The following RBFOX2 variants were observed in gnomAD, a reference collection of about 807,000 sequenced individuals.
The protein encoded by RBFOX2 is RNA binding protein fox-1 homolog 2.
In RBFOX2, 10 loss-of-function variants were observed where a neutral mutation model predicts 49.1. The observed-to-expected ratio is 0.20, with a 90% confidence interval of 0.13 to 0.35. The LOEUF (loss-of-function observed/expected upper bound fraction) is 0.35. Ranked by LOEUF, RBFOX2 falls within the 10% of genes least tolerant of loss-of-function variation. The pLI, the probability that RBFOX2 is intolerant of heterozygous loss-of-function variation, is 1.00. For missense variants in RBFOX2, 323 were observed against 486.9 expected (o/e 0.66, Z 3.17); for synonymous variants, 183 against 187.4 (o/e 0.98, Z 0.19).
chr22:35,914,580 C>T (rs1358191759), intron 1 of RBFOX2, among the ~76,000 whole-genome samples: 1 of 152,174 alleles, frequency 6.6e-6, no homozygotes, highest in Admixed American at 6.5e-5. Flanking sequence ...AGAGTAGATG[C>T]CAACAAGAAA....
chr22:35,866,715 AG>A (rs1480232848), intron 1 of RBFOX2, among the ~76,000 whole-genome samples: 3 of 152,142 alleles, frequency 2.0e-5, no homozygotes, highest in Non-Finnish European at 4.4e-5. Context: ...GACAAAAAAA[AG>A]CCCCCAGTGA....
chr22:35,909,852 A>T (rs1167288367), intron 1 of RBFOX2, among the ~76,000 whole-genome samples: 1 of 152,168 alleles, frequency 6.6e-6, no homozygotes, highest in Non-Finnish European at 1.5e-5. Flanking sequence ...ACCTTAGGTG[A>T]TCCACCCACC....
At chr22:35,941,677 G>A (rs1014303088), upstream of RBFOX2, among the ~76,000 whole-genome samples, 1 of 152,020 alleles carries the variant, frequency 6.6e-6, no homozygotes, top group Admixed American at 6.6e-5. Flanking sequence ...CACTCCCAGA[G>A]GACATCCCAC....
intron 1 of RBFOX2, among the ~76,000 whole-genome samples, chr22:35,833,637 A>T (rs1408012346): frequency 6.6e-6 from 1 of 152,212 alleles, no homozygotes; most frequent in East Asian, 1.9e-4. Flanking sequence ...ATGTTTGTAA[A>T]TGTGCTATGT....
chr22:35,900,444 T>C (rs1172319300), intron 1 of RBFOX2, among the ~76,000 whole-genome samples: 1 of 152,110 alleles, frequency 6.6e-6, no homozygotes, highest in African/African-American at 2.4e-5. Flanking sequence ...AATCAGGCAC[T>C]AAAAATTCTT....
chr22:36,024,263 G>A (rs1042306017), intron 1 of RBFOX2, among the ~76,000 whole-genome samples: 1 of 152,128 alleles, frequency 6.6e-6, no homozygotes, highest in Non-Finnish European at 1.5e-5. Flanking sequence ...TAAATACAAA[G>A]GAAATATAGT....
chr22:35,993,447 G>A (rs2058061893), intron 1 of RBFOX2: 1 of 152,176 alleles, frequency 6.6e-6, no homozygotes. Flanking sequence ...CCCCTTAAGA[G>A]GAGCTAGACT....
intron 1 of RBFOX2, among the ~76,000 whole-genome samples, chr22:35,935,164 G>A (rs759091844): frequency 1.6e-4 from 24 of 152,070 alleles, no homozygotes; most frequent in Non-Finnish European, 2.6e-4. Flanking sequence ...TCCAACTCCT[G>A]AGCTCAAACA....
Position 35,857,052 on chromosome 22 carries a change from G to C in RBFOX2, c.-33-47048C>G, listed in dbSNP as rs546759551. ...GTCTCCAAAAGGAAAAAAAGAGAAA[G>C]AAATATGCAAGACTGACTGACTAAG... is the stretch of plus-strand genomic sequence containing the variant. On this transcript the variant is annotated intron_variant, in intron 1 of 13. Coordinates refer to the RBFOX2 transcript ENST00000359369. Among the ~76,000 whole-genome samples the C allele has an allele frequency of 6.6e-5, 10 of 152,234 alleles. No homozygotes were observed. The East Asian group carries it at 1.9e-3, about 29-fold the overall frequency.
chr22:35,866,344 A>C (rs1019716997), intron 1 of RBFOX2, among the ~76,000 whole-genome samples: 1 of 152,204 alleles, frequency 6.6e-6, no homozygotes, highest in South Asian at 2.1e-4. Flanking sequence ...TTGAAAGTGC[A>C]TACATTAATT....
intron 1 of RBFOX2, among the ~76,000 whole-genome samples, chr22:36,010,498 G>C (rs62232610): frequency 1.1e-3 from 172 of 152,082 alleles, no homozygotes; most frequent in Non-Finnish European, 2.0e-3. Context: ...CATTCACCTA[G>C]AGAGTGAGAC....
At chr22:35,911,641 CATTA>C (rs1446396297) in intron 1 of RBFOX2, among the ~76,000 whole-genome samples, 2 of 152,138 alleles carry the variant, frequency 1.3e-5, no homozygotes, top group Non-Finnish European at 2.9e-5. Context: ...GTGTTGTTTA[CATTA>C]GCTGCTGGTA....
exon 2 of RBFOX2, chr22:35,809,781 G>T (rs200621025): frequency 6.2e-7 from 1 of 1,613,378 alleles, no homozygotes; most frequent in Admixed American, 1.7e-5. Flanking sequence ...TCCACGTACC[G>T]TAAGAGATCC....
intron 1 of RBFOX2, among the ~76,000 whole-genome samples, chr22:35,932,453 T>C (rs1419350210): frequency 1.3e-5 from 2 of 152,276 alleles, no homozygotes; most frequent in African/African-American, 4.8e-5. Flanking sequence ...TATGTTATAT[T>C]TGTCAACTTA....
At chr22:35,881,591 A>AAG (rs1280822629) in intron 1 of RBFOX2, among the ~76,000 whole-genome samples, 4 of 151,548 alleles carry the variant, frequency 2.6e-5, no homozygotes, top group East Asian at 1.9e-4. Flanking sequence ...CCAAAAAAAA[A>AAG]AAAAGGAAGA....
intron 1 of RBFOX2, among the ~76,000 whole-genome samples, chr22:36,000,982 T>C (rs554277063): frequency 6.6e-6 from 1 of 152,242 alleles, no homozygotes; most frequent in East Asian, 1.9e-4. Context: ...GATTATATGA[T>C]TTGCACAAAG....
At chr22:35,936,598 A>G (rs563700245) in intron 1 of RBFOX2, among the ~76,000 whole-genome samples, 20 of 152,320 alleles carry the variant, frequency 1.3e-4, no homozygotes, top group African/African-American at 4.8e-4. Flanking sequence ...CCAAGAAAAT[A>G]AACTAAAATA....
intron 1 of RBFOX2, among the ~76,000 whole-genome samples, chr22:35,929,674 C>A: frequency 6.6e-6 from 1 of 151,666 alleles, no homozygotes; most frequent in Admixed American, 6.6e-5. Context: ...TTTTTTGAGA[C>A]ATGGTCTCGC....
rs144322844 is a variant in RBFOX2 at position 35,858,052 on chromosome 22, G to A, written c.-33-48048C>T. ...AAATGACTGAATTTAGCAAACAAGAGTTAAAGAGTTTTCAGAGCACTGTTT... is the reference window on the plus strand; with the variant it reads ...AAATGACTGAATTTAGCAAACAAGAATTAAAGAGTTTTCAGAGCACTGTTT... On this transcript the variant is annotated intron_variant, in intron 1 of 13. Coordinates refer to the RBFOX2 transcript ENST00000359369. Among the ~76,000 whole-genome samples, 207 of 152,282 alleles carry A rather than the reference G, an allele frequency of 1.4e-3. 1 individual carries two copies. The highest frequency in any genetic ancestry group is 4.4e-3 in the African/African-American group (184 of 41,556).
Sources: allele counts gnomAD v4.1 joint callset (sites outside exome capture counted in the v4.1 genomes callset), GRCh38; gene constraint gnomAD v4.1.1; transcripts MANE v1.5; gene names NCBI Gene and HGNC (gene_info 2026-07-23, HGNC 2026-07-21).